Variants in SMOC2 observed in about 807,000 individuals in gnomAD.
SMOC2 encodes the protein SPARC-related modular calcium-binding protein 2.
A neutral mutation model predicts 61.4 loss-of-function variants in SMOC2; 39 were observed. The observed-to-expected ratio is 0.64, with a 90% CI of 0.49 to 0.83. The LOEUF is 0.83. Ranked by LOEUF, SMOC2 falls within the 40% of genes least tolerant of loss-of-function variation. The pLI is 0.00. For synonymous variants in SMOC2, 247 were observed against 239.9 expected, an observed-to-expected ratio of 1.03 and a Z score of -0.27; for missense variants, 556 against 592.9, an observed-to-expected ratio of 0.94 and a Z score of 0.65.
chr6:168,534,510 C>G (rs1249088566), intron 4 of SMOC2, among the ~76,000 whole-genome samples: 1 of 152,246 alleles, frequency 6.6e-6, no homozygotes, highest in Non-Finnish European at 1.5e-5. Context: ...TCCAGAGGCC[C>G]TTGGGGCTGA....
rs1286059551 is a variant in SMOC2 at position 168,510,056 on chromosome 6, C to G, written c.226C>G (p.Leu76Val). Reference protein sequence around the residue: ...FQRAKCKDPQLEIAYRGNCKD... With the variant: ...FQRAKCKDPQVEIAYRGNCKD... ...ACGTGCCAAGTGCAAAGATCCCCAG[C>G]TAGAGATTGCATATCGAGGAAACTG... Residue 76 changes from leucine to valine, a missense_variant, in exon 2 of 13, where the codon CTA becomes GTA. Physicochemically the swap from Leu to Val is conservative, Grantham distance 32. Coordinates refer to ENST00000356284, the MANE Select transcript of SMOC2 (RefSeq NM_001166412.2). 1 of 1,614,190 alleles carries G rather than the reference C, an allele frequency of 6.2e-7. No homozygotes were observed. Among genetic ancestry groups the G allele is most frequent in the Non-Finnish European group, 8.5e-7 (1 of 1,180,002 alleles).
intron 1 of SMOC2, among the ~76,000 whole-genome samples, chr6:168,448,130 A>G (rs1427974949): frequency 6.6e-6 from 1 of 152,164 alleles, no homozygotes; most frequent in Admixed American, 6.5e-5. Flanking sequence ...TGTGACTAGG[A>G]TTAGTGGTGA....
intron 8 of SMOC2, among the ~76,000 whole-genome samples, chr6:168,600,267 C>T (rs1488502910): frequency 1.3e-5 from 2 of 151,762 alleles, no homozygotes; most frequent in African/African-American, 2.4e-5. Context: ...ATTAGCTGGG[C>T]GTGGTGGTGG....
rs1290707650 is a variant in SMOC2, at chr6:168,553,843, T to C, written c.637+4640T>C. Among the ~76,000 whole-genome samples, 3 of 152,198 alleles carry C rather than the reference T, an allele frequency of 2.0e-5. No individual in the cohort carries two copies. The highest frequency in any genetic ancestry group is 7.2e-5 in the African/African-American group (3 of 41,452). On this transcript the variant is annotated intron_variant, in intron 7 of 12. Transcript: ENST00000356284. This position sits in a 1 kb window ranked among gnomAD's most constrained non-coding sequence, Gnocchi z 4.2. ...AGAAATAATGGGAAGATGGAGAACA[T>C]GTGGAAGGCCAGCTGTCTCACATTT...
intron 1 of SMOC2, among the ~76,000 whole-genome samples, chr6:168,473,080 G>T (rs1476446811): frequency 6.6e-6 from 1 of 152,164 alleles, no homozygotes; most frequent in Admixed American, 6.5e-5. Context: ...GTGTTAAGAT[G>T]AAGAGTACGA....
chr6:168,601,061 G>C (rs1488780286), intron 8 of SMOC2, among the ~76,000 whole-genome samples: 1 of 152,238 alleles, frequency 6.6e-6, no homozygotes, highest in Non-Finnish European at 1.5e-5. Context: ...ATCAAATGTA[G>C]CCGCTGATGT....
chr6:168,578,135 G>A (rs534589991), intron 7 of SMOC2, among the ~76,000 whole-genome samples: 169 of 152,334 alleles, frequency 1.1e-3, no homozygotes, highest in African/African-American at 3.7e-3. Context: ...GCATTTGCAC[G>A]TAGCTGCCCA....
At chr6:168,472,821 T>G (rs1781992909) in intron 1 of SMOC2, among the ~76,000 whole-genome samples, 1 of 152,100 alleles carries the variant, frequency 6.6e-6, no homozygotes, top group South Asian at 2.1e-4. Flanking sequence ...ATAGGGGAAA[T>G]GGGGAAATGC....
rs1383044694 is a variant in SMOC2, at chr6:168,543,671, A to G, written c.510A>G (p.Thr170=). 2.5e-6 allele frequency: 4 copies of G among 1,613,192 alleles called. No homozygotes were observed. Among genetic ancestry groups the G allele is most frequent in the Non-Finnish European group, 3.4e-6 (4 of 1,179,172 alleles). The change falls in exon 5 of 13, where the codon ACA becomes ACG. Residue 170 remains threonine (T), a splice_region_variant and synonymous_variant. Coordinates refer to ENST00000356284, the MANE Select transcript of SMOC2 (RefSeq NM_001166412.2). ...KLPQREGTGK[T]DDAAAPALET... ...CCCAACGCGAAGGCACAGGAAAAACAGGTAACTATCTTAGAATAAATGTCT... is the reference window on the plus strand; with the variant it reads ...CCCAACGCGAAGGCACAGGAAAAACGGGTAACTATCTTAGAATAAATGTCT...
At chr6:168,533,719 C>A (rs1267980907) in intron 4 of SMOC2, among the ~76,000 whole-genome samples, 2 of 152,130 alleles carry the variant, frequency 1.3e-5, no homozygotes, top group African/African-American at 2.4e-5. Context: ...TTTCTTTAGC[C>A]TTCGTAGGTC....
At chr6:168,509,652 A>G (rs1413590096) in intron 1 of SMOC2, among the ~76,000 whole-genome samples, 3 of 152,226 alleles carry the variant, frequency 2.0e-5, no homozygotes, top group Admixed American at 6.5e-5. Context: ...CCCCCTTCAA[A>G]GATCAATGAT....
intron 7 of SMOC2, among the ~76,000 whole-genome samples, chr6:168,595,316 C>T (rs577911499): frequency 3.3e-5 from 5 of 152,170 alleles, no homozygotes; most frequent in Non-Finnish European, 7.3e-5. Flanking sequence ...CGGCCCCATG[C>T]GCCTCCCCAA....
intron 7 of SMOC2, among the ~76,000 whole-genome samples, chr6:168,562,798 C>G (rs76826738): frequency 0.034 from 5,144 of 152,214 alleles, 313 homozygotes; most frequent in African/African-American, 0.12. Flanking sequence ...AGAGCGTTGC[C>G]CGTGGAGCTG....
chr6:168,589,391 A>G (rs1015151515), intron 7 of SMOC2, among the ~76,000 whole-genome samples: 2 of 152,280 alleles, frequency 1.3e-5, no homozygotes, highest in Non-Finnish European at 2.9e-5. Flanking sequence ...AACAACAGCA[A>G]TGACATCCAT....
intron 7 of SMOC2, among the ~76,000 whole-genome samples, chr6:168,560,623 C>T (rs79008409): frequency 0.14 from 151 of 1,078 alleles, 14 homozygotes; most frequent in South Asian, 0.35. Context: ...GCTCTCACTG[C>T]ATTCTTGGAG....
At chr6:168,540,155 C>T (rs1783845825) in intron 4 of SMOC2, among the ~76,000 whole-genome samples, 2 of 152,214 alleles carry the variant, frequency 1.3e-5, no homozygotes, top group South Asian at 4.1e-4. Flanking sequence ...TGTAGTGCTG[C>T]GTCCCTGCCG....
chr6:168,471,044 T>A (rs1413559680), intron 1 of SMOC2, among the ~76,000 whole-genome samples: 1 of 152,212 alleles, frequency 6.6e-6, no homozygotes, highest in Non-Finnish European at 1.5e-5. Context: ...TTGTAATTCA[T>A]GAAACATTTT....
chr6:168,659,904 G>T, intron 11 of SMOC2, among the ~76,000 whole-genome samples: 1 of 152,368 alleles, frequency 6.6e-6, no homozygotes, highest in African/African-American at 2.4e-5. Context: ...GGAGGTTGTA[G>T]GTTGGGTGAG....
chr6:168,464,243 GAAGA>G (rs1373960437), intron 1 of SMOC2, among the ~76,000 whole-genome samples: 6 of 151,242 alleles, frequency 4.0e-5, no homozygotes, highest in Non-Finnish European at 5.9e-5. Context: ...AGGAAGGAAG[GAAGA>G]AAGGAAGGAA....
Sources: allele counts gnomAD v4.1 joint callset (sites outside exome capture counted in the v4.1 genomes callset), GRCh38; gene constraint gnomAD v4.1.1; non-coding constraint Gnocchi (gnomAD v3.1); transcripts MANE v1.5; gene names NCBI Gene and HGNC (gene_info 2026-07-23, HGNC 2026-07-21).